Variants in BARX2 observed in about 807,000 individuals in gnomAD.
The protein encoded by BARX2 is homeobox protein BarH-like 2.
Under a neutral mutation model 25.5 loss-of-function variants are expected in BARX2, and 11 were observed. The ratio of observed to expected loss-of-function variants is 0.43; its 90% CI spans 0.27 to 0.71. The LOEUF (loss-of-function observed/expected upper bound fraction) is 0.71, where lower values mean the gene tolerates loss of function less well. Among genes scored for constraint, BARX2 ranks in the 30% least tolerant of loss-of-function variants. The pLI is 0.19. For synonymous variants in BARX2, 137 were observed against 149.5 expected, an observed-to-expected ratio of 0.92 and a Z score of 0.61; for missense variants, 360 against 359.9, an observed-to-expected ratio of 1.00 and a Z score of 0.00.
chr11:129,400,540 A>C (rs1861765059), intron 1 of BARX2, among the ~76,000 whole-genome samples: 1 of 152,238 alleles, frequency 6.6e-6, no homozygotes, highest in Non-Finnish European at 1.5e-5. Context: ...CTGGGAACTA[A>C]GGGTAGGCCA....
In BARX2 at chr11:129,441,535, G is replaced by A. The variant is rs188002590; in HGVS notation, c.489-1300G>A. Among the ~76,000 whole-genome samples, 429 of 152,222 alleles carry A rather than the reference G, an allele frequency of 2.8e-3. 5 individuals carry two copies. The highest frequency in any genetic ancestry group is 0.016 in the South Asian group (77 of 4,808). ...GCCATCTCGGCTCACTGCAACCTCC[G>A]CCTCCCAGGTTCAAGCACTTCTCTT... On this transcript the variant is annotated intron_variant, in intron 2 of 3. Coordinates refer to ENST00000281437, the MANE Select transcript of BARX2 (RefSeq NM_003658.5).
At chr11:129,447,645 C>T (rs2135417770) in intron 3 of BARX2, among the ~76,000 whole-genome samples, 1 of 152,188 alleles carries the variant, frequency 6.6e-6, no homozygotes, top group African/African-American at 2.4e-5. Context: ...ATGTTTTATT[C>T]CATTTAGAAA....
At chr11:129,407,154 C>G (rs1861838947) in intron 1 of BARX2, among the ~76,000 whole-genome samples, 1 of 152,208 alleles carries the variant, frequency 6.6e-6, no homozygotes, top group African/African-American at 2.4e-5. Context: ...ACCCACAGAG[C>G]CTCAGAGCCT....
chr11:129,403,190 A>G (rs1012006904), intron 1 of BARX2, among the ~76,000 whole-genome samples: 2 of 152,230 alleles, frequency 1.3e-5, no homozygotes, highest in Admixed American at 1.3e-4. Context: ...TCAGGTGGCC[A>G]CTGTCAGTCA....
At chr11:129,435,254 G>C (rs141635244) in intron 1 of BARX2, among the ~76,000 whole-genome samples, 1 of 152,276 alleles carries the variant, frequency 6.6e-6, no homozygotes, top group Non-Finnish European at 1.5e-5. Flanking sequence ...TCAAGTGTTG[G>C]AGTTGGCTGG....
rs759928557 is a variant in BARX2, at chr11:129,376,007, G to C, written c.-29G>C. 3 of 1,379,840 alleles carry C rather than the reference G, an allele frequency of 2.2e-6. No individual in the cohort carries two copies. The highest frequency in any genetic ancestry group is 1.7e-5 in the South Asian group (1 of 58,638). The allele number at this position is 1,379,840 out of a possible 1,614,324, so 85.5% of individuals were successfully genotyped here. ...GGGCCGGGCACTCGCAGCCGCGCTC[G>C]GGCCGGCGGACGCTCGCGCCGGCTC... On this transcript the variant is annotated 5_prime_UTR_variant, in exon 1 of 4. Transcript: ENST00000281437. The surrounding 1 kb of genome is among the most constrained non-coding windows in gnomAD (Gnocchi z 4.2).
At chr11:129,418,297 G>A (rs1317725127) in intron 1 of BARX2, among the ~76,000 whole-genome samples, 1 of 152,206 alleles carries the variant, frequency 6.6e-6, no homozygotes, top group African/African-American at 2.4e-5. Context: ...ACAGCTGGCT[G>A]TAAATCTGAG....
At chr11:129,406,729 A>T (rs1365712817) in intron 1 of BARX2, among the ~76,000 whole-genome samples, 1 of 152,186 alleles carries the variant, frequency 6.6e-6, no homozygotes, top group East Asian at 1.9e-4. Context: ...TCTTTAGTTC[A>T]GTTGAGCCTG....
In BARX2 at chr11:129,436,983, C is replaced by A; in HGVS notation, c.420C>A (p.Phe140Leu). ...AGCCCCGCCGGAGTCGCACCATCTT[C>A]ACCGAGCTGCAGCTCATGGGCCTGG... is the stretch of plus-strand genomic sequence containing the variant. ...QKKPRRSRTIFTELQLMGLEK... is the reference protein window; with the variant it reads ...QKKPRRSRTILTELQLMGLEK... The change falls in exon 2 of 4, where the codon TTC (phenylalanine) becomes TTA (leucine). Residue 140 changes from phenylalanine (F) to leucine (L), a missense_variant. Coordinates refer to ENST00000281437, the MANE Select transcript of BARX2 (RefSeq NM_003658.5). This position sits in a 1 kb window ranked among gnomAD's most constrained non-coding sequence, Gnocchi z 4.5. 1 of 1,609,096 alleles carries A rather than the reference C, an allele frequency of 6.2e-7. No individual in the cohort carries two copies. The highest frequency in any genetic ancestry group is 8.5e-7 in the Non-Finnish European group (1 of 1,176,616).
chr11:129,436,842 C>T lies in BARX2; in HGVS notation c.279C>T (p.Ile93=), dbSNP rs149011396. 7.1e-4 allele frequency: 1,151 copies of T among 1,614,006 alleles called. No individual in the cohort carries two copies. The highest frequency in any genetic ancestry group is 9.0e-4 in the Non-Finnish European group (1,057 of 1,179,958). ...ISHLVPATPG[I]AQALSCHQVT... ...ACCTGGTCCCTGCCACCCCGGGAAT[C>T]GCCCAGGCACTGTCCTGCCACCAGG... is the stretch of plus-strand genomic sequence containing the variant. The change falls in exon 2 of 4, where the codon ATC becomes ATT. Residue 93 remains isoleucine (I), a synonymous_variant. Coordinates refer to ENST00000281437, the MANE Select transcript of BARX2 (RefSeq NM_003658.5). The surrounding 1 kb of genome is among the most constrained non-coding windows in gnomAD (Gnocchi z 4.5).
chr11:129,428,276 G>T (rs991782695), intron 1 of BARX2, among the ~76,000 whole-genome samples: 2 of 152,208 alleles, frequency 1.3e-5, no homozygotes, highest in African/African-American at 4.8e-5. Flanking sequence ...ATCTAGGGTA[G>T]CAGGGCAGCT....
rs11601358 is a variant in BARX2 at position 129,425,239 on chromosome 11, A to G, written c.188-11512A>G. ...AATTTTTTTCCTAAAGAAGTTTTCA[A>G]TCTCGTGAGAAACAGATGGGTAAAC... On this transcript the variant is annotated intron_variant, in intron 1 of 3. Transcript: ENST00000281437. Among the ~76,000 whole-genome samples, 757 of 152,348 alleles carry G rather than the reference A, an allele frequency of 5.0e-3. 3 individuals are homozygous for G. Among genetic ancestry groups the G allele is most frequent in the Non-Finnish European group, 7.6e-3 (516 of 68,030 alleles).
At chr11:129,412,605 AT>A (rs1300524384) in intron 1 of BARX2, among the ~76,000 whole-genome samples, 5 of 152,200 alleles carry the variant, frequency 3.3e-5, no homozygotes, top group Admixed American at 3.3e-4. Context: ...TTAAGGGGCA[AT>A]TTATGCAGAA....
intron 1 of BARX2, among the ~76,000 whole-genome samples, chr11:129,389,629 G>A (rs1444181412): frequency 6.6e-6 from 1 of 150,878 alleles, no homozygotes; most frequent in African/African-American, 2.4e-5. Context: ...AGCTGTAAGA[G>A]TCTCAAGAAC....
chr11:129,377,015 G>A (rs1480510482), intron 1 of BARX2, among the ~76,000 whole-genome samples: 1 of 152,184 alleles, frequency 6.6e-6, no homozygotes, highest in East Asian at 1.9e-4. Flanking sequence ...ATTAAGAGAA[G>A]ATCCAAGTTT....
chr11:129,407,803 A>C (rs575016639), intron 1 of BARX2, among the ~76,000 whole-genome samples: 21 of 152,174 alleles, frequency 1.4e-4, no homozygotes, highest in African/African-American at 4.8e-4. Context: ...TGCATGCAAG[A>C]TGCTCATCAA....
At chr11:129,410,534 A>G (rs1861875409) in intron 1 of BARX2, among the ~76,000 whole-genome samples, 1 of 152,206 alleles carries the variant, frequency 6.6e-6, no homozygotes, top group Non-Finnish European at 1.5e-5. Context: ...TGCAGGAATG[A>G]AGCTCTGAGA....
chr11:129,397,280 CAAAAAAA>C (rs35729336), intron 1 of BARX2, among the ~76,000 whole-genome samples: 1 of 111,160 alleles, frequency 9.0e-6, no homozygotes, highest in Admixed American at 9.3e-5. Context: ...ACCCTGTCTC[CAAAAAAA>C]AAAAAAAAAT....
intron 1 of BARX2, among the ~76,000 whole-genome samples, chr11:129,404,027 C>T (rs1712321164): frequency 6.6e-6 from 1 of 152,166 alleles, no homozygotes; most frequent in African/African-American, 2.4e-5. Flanking sequence ...ACTGGAAATC[C>T]ACTCTAATGA....
Sources: allele counts gnomAD v4.1 joint callset (sites outside exome capture counted in the v4.1 genomes callset), GRCh38; gene constraint gnomAD v4.1.1; non-coding constraint Gnocchi (gnomAD v3.1); transcripts MANE v1.5; gene names NCBI Gene and HGNC (gene_info 2026-07-23, HGNC 2026-07-21).